The following SEMA3A variants were observed in gnomAD, a reference collection of about 807,000 sequenced individuals.
SEMA3A encodes semaphorin 3A, also known as semaphorin-3A.
In SEMA3A, 29 loss-of-function variants were observed where a neutral mutation model predicts 97.9. The ratio of observed to expected loss-of-function variants is 0.30; its 90% CI spans 0.22 to 0.40. SEMA3A has a LOEUF of 0.40. Among genes scored for constraint, SEMA3A ranks in the 10% least tolerant of loss-of-function variants. The probability of loss-of-function intolerance (pLI) is 1.00; values close to 1 mark genes in which losing one functional copy is unlikely to be tolerated. For synonymous variants in SEMA3A, 321 were observed against 323.7 expected (o/e 0.99, Z 0.09); for missense variants, 763 against 951.3 (o/e 0.80, Z 2.60).
intron 1 of SEMA3A, among the ~76,000 whole-genome samples, chr7:84,430,720 T>C (rs1215944918): frequency 3.3e-5 from 5 of 151,906 alleles, no homozygotes; most frequent in Non-Finnish European, 5.9e-5. Context: ...GCATATAATA[T>C]AAGTTCAAGG....
rs187956354 is a variant in SEMA3A, at chr7:84,082,298, C to T, written c.454-21740G>A. ...TCCAATTGTAAGCTATTTATCTGAG[C>T]TATGTTCTAGCTACAGAGCTACACG... On this transcript the variant is annotated intron_variant, in intron 4 of 16. Transcript: ENST00000265362. Among the ~76,000 whole-genome samples the T allele has an allele frequency of 3.9e-5, 6 of 152,186 alleles. No homozygotes were observed. The East Asian group carries it at 1.2e-3, about 29-fold the overall frequency.
chr7:84,049,836 G>A (rs981811055), intron 5 of SEMA3A, among the ~76,000 whole-genome samples: 29 of 148,462 alleles, frequency 2.0e-4, no homozygotes, highest in Admixed American at 7.4e-4. Flanking sequence ...CTAGCATTAG[G>A]TATATCTCCC....
intron 3 of SEMA3A, among the ~76,000 whole-genome samples, chr7:84,258,948 T>G (rs1042444214): frequency 6.6e-6 from 1 of 151,998 alleles, no homozygotes; most frequent in Non-Finnish European, 1.5e-5. Flanking sequence ...CCTTGCCATC[T>G]GCTATATTTC....
chr7:84,014,141 A>G (rs955427248), intron 7 of SEMA3A, 68 bp downstream of exon 7: 136 of 1,434,654 alleles, frequency 9.5e-5, no homozygotes, highest in Non-Finnish European at 1.2e-4. Context: ...ACACAGGTAG[A>G]AAATTTTAAA....
chr7:84,388,706 AGC>A (rs1803464095), intron 1 of SEMA3A, among the ~76,000 whole-genome samples: 1 of 152,054 alleles, frequency 6.6e-6, no homozygotes, highest in Non-Finnish European at 1.5e-5. Context: ...AAATAATAGA[AGC>A]ACAAATATGT....
chr7:84,165,470 A>C (rs920555169), intron 1 of SEMA3A, among the ~76,000 whole-genome samples: 3 of 151,606 alleles, frequency 2.0e-5, no homozygotes, highest in African/African-American at 7.3e-5. Context: ...TGGAAGAGAA[A>C]ATCTTTTTCT....
chr7:84,153,324 T>C (rs945494663), intron 1 of SEMA3A, among the ~76,000 whole-genome samples: 3 of 152,176 alleles, frequency 2.0e-5, no homozygotes, highest in African/African-American at 7.2e-5. Context: ...CAGTTGGTTA[T>C]CATCTTTGTA....
intron 1 of SEMA3A, among the ~76,000 whole-genome samples, chr7:84,392,791 T>A (rs1803618239): frequency 6.6e-6 from 1 of 152,182 alleles, no homozygotes; most frequent in African/African-American, 2.4e-5. Context: ...TCTTAATGAT[T>A]AGGTATGTCA....
intron 3 of SEMA3A, among the ~76,000 whole-genome samples, chr7:84,211,914 G>C (rs114814699): frequency 6.6e-6 from 1 of 152,156 alleles, no homozygotes; most frequent in Non-Finnish European, 1.5e-5. Context: ...ATTGTGGTGA[G>C]GAACAGGTAA....
chr7:84,125,393 A>T (rs996882140), intron 3 of SEMA3A, among the ~76,000 whole-genome samples: 2 of 152,246 alleles, frequency 1.3e-5, no homozygotes, highest in African/African-American at 4.8e-5. Context: ...TAAAATTCAT[A>T]AACATTTTTA....
intron 1 of SEMA3A, among the ~76,000 whole-genome samples, chr7:84,402,884 A>T (rs1803946465): frequency 6.6e-6 from 1 of 152,150 alleles, no homozygotes; most frequent in Non-Finnish European, 1.5e-5. Flanking sequence ...GGAGATAGTG[A>T]CTAGAATGTT....
At chr7:84,390,862 G>A (rs1490189597) in intron 1 of SEMA3A, among the ~76,000 whole-genome samples, 1 of 152,114 alleles carries the variant, frequency 6.6e-6, no homozygotes, top group Non-Finnish European at 1.5e-5. Context: ...AAATCAGAAT[G>A]GTGGCCTGTG....
At chr7:84,227,761 A>G (rs1279183284) in intron 3 of SEMA3A, among the ~76,000 whole-genome samples, 3 of 152,070 alleles carry the variant, frequency 2.0e-5, no homozygotes, top group Non-Finnish European at 4.4e-5. Context: ...GCTTATGCAA[A>G]ATAACTCCCC....
chr7:84,274,536 C>T (rs1245780727), intron 3 of SEMA3A, among the ~76,000 whole-genome samples: 1 of 152,044 alleles, frequency 6.6e-6, no homozygotes, highest in African/African-American at 2.4e-5. Flanking sequence ...GGAAACATTC[C>T]AGCTTCTCAG....
intron 3 of SEMA3A, among the ~76,000 whole-genome samples, chr7:84,270,331 C>T (rs1272450329): frequency 6.6e-6 from 1 of 151,906 alleles, no homozygotes; most frequent in Non-Finnish European, 1.5e-5. Context: ...CACTACATCT[C>T]AGACCTTTAT....
intron 1 of SEMA3A, among the ~76,000 whole-genome samples, chr7:84,425,878 C>CACACACA (rs543736541): frequency 1.5e-4 from 7 of 45,780 alleles, no homozygotes; most frequent in African/African-American, 4.7e-4. Flanking sequence ...ACACACACAC[C>CACACACA]CACACACACA....
chr7:84,256,975 C>G (rs984452453), intron 3 of SEMA3A, among the ~76,000 whole-genome samples: 1 of 151,098 alleles, frequency 6.6e-6, no homozygotes, highest in Non-Finnish European at 1.5e-5. Context: ...CTTTTTTTTT[C>G]TCTTTTGAGT....
rs371333038 is a variant in SEMA3A, at chr7:84,369,023, CT to C, written c.-169+2800del. ...TCACTAGATCACAATGTTAATTCAT[CT>C]CATTGGGAATTAGTATATTGATGTT... On this transcript the variant is annotated intron_variant, in intron 2 of 3. Coordinates refer to the SEMA3A transcript ENST00000424555. 4.0e-3 allele frequency among the ~76,000 whole-genome samples: 608 copies of C among 150,986 alleles called. 6 individuals are homozygous for C. Among genetic ancestry groups the C allele is most frequent in the African/African-American group, 0.014 (584 of 41,404 alleles).
intron 4 of SEMA3A, among the ~76,000 whole-genome samples, chr7:84,067,672 A>C (rs1441541878): frequency 6.6e-6 from 1 of 152,208 alleles, no homozygotes. Context: ...ACATGAAAAA[A>C]TGCTCATCAT....
Sources: gnomAD v4.1 joint callset for allele counts (sites outside exome capture counted in the v4.1 genomes callset) on GRCh38, gnomAD v4.1.1 for gene constraint, MANE v1.5 for transcripts, NCBI Gene and HGNC (gene_info 2026-07-23, HGNC 2026-07-21) for gene names.